TET3: variants seen among roughly 807,000 people sequenced by gnomAD.
The protein encoded by TET3 is tet methylcytosine dioxygenase 3, also known as methylcytosine dioxygenase TET3.
Under a neutral mutation model 141.4 loss-of-function variants are expected in TET3, and 19 were observed. That is an observed-to-expected ratio of 0.13 (90% CI 0.09 to 0.20). The LOEUF is 0.20. Ranked by LOEUF, TET3 falls within the 10% of genes least tolerant of loss-of-function variation. The probability of loss-of-function intolerance (pLI) is 1.00; values close to 1 mark genes in which losing one functional copy is unlikely to be tolerated. For missense variants in TET3, 1,874 were observed against 2,356.9 expected, an observed-to-expected ratio of 0.80 and a Z score of 4.24; for synonymous variants, 1,043 against 980.9, an observed-to-expected ratio of 1.06 and a Z score of -1.18.
chr2:74,004,110 G>C (rs1685020468), intron 3 of TET3, among the ~76,000 whole-genome samples: 1 of 152,144 alleles, frequency 6.6e-6, no homozygotes, highest in Admixed American at 6.5e-5. Flanking sequence ...CAAGAGCAGA[G>C]AGGCTGGAAG....
chr2:73,985,775 C>T (rs1276076089), intron 1 of TET3, among the ~76,000 whole-genome samples: 1 of 152,022 alleles, frequency 6.6e-6, no homozygotes, highest in Non-Finnish European at 1.5e-5. Context: ...GAATCCAGGG[C>T]CCCCAGCAGC....
intron 2 of TET3, among the ~76,000 whole-genome samples, chr2:74,002,375 C>T (rs952648649): frequency 9.2e-5 from 14 of 151,808 alleles, no homozygotes; most frequent in African/African-American, 2.2e-4. Context: ...CCCCCCACCC[C>T]CCCGGCGTCT....
chr2:74,114,484 A>C, the TET3 span, among the ~76,000 whole-genome samples: 154 of 152,290 alleles, frequency 1.0e-3, no homozygotes, highest in African/African-American at 3.6e-3. Context: ...ACTTAATGCC[A>C]TTGAATTGTA....
intron 2 of TET3, among the ~76,000 whole-genome samples, chr2:73,996,504 GA>G (rs770888647): frequency 2.0e-5 from 3 of 152,030 alleles, no homozygotes; most frequent in Non-Finnish European, 4.4e-5. Flanking sequence ...GATAACCTAA[GA>G]TTTTTTTTTA....
intron 3 of TET3, among the ~76,000 whole-genome samples, chr2:74,023,258 G>C (rs534642973): frequency 6.6e-5 from 10 of 151,892 alleles, no homozygotes; most frequent in Admixed American, 2.0e-4. Context: ...ATTTAATTTC[G>C]AGACAAGGTC....
chr2:74,103,825 G>A lies in TET3; in HGVS notation c.*1649G>A, dbSNP rs143386828. The A allele has an allele frequency of 6.5e-6, 1 of 153,916 alleles. No homozygotes were observed. Among genetic ancestry groups the A allele is most frequent in the East Asian group, 1.9e-4 (1 of 5,186 alleles). 9.5% of individuals were successfully genotyped at this position (153,916 alleles called of 1,614,324 possible). A position where few individuals can be genotyped will look rare whatever the true frequency, so the allele number is the denominator to read the frequency against. Reference sequence around the variant, plus strand: ...ATGGGGGGCTTCATCAGGACACACAGAGGGGAATGTGGCCACACGGTGGAT... The same window carrying A: ...ATGGGGGGCTTCATCAGGACACACAAAGGGGAATGTGGCCACACGGTGGAT... On this transcript the variant is annotated 3_prime_UTR_variant, in exon 12 of 12. Transcript: ENST00000409262.
At chr2:74,132,752 C>T in the TET3 span, among the ~76,000 whole-genome samples, 1 of 152,066 alleles carries the variant, frequency 6.6e-6, no homozygotes, top group South Asian at 2.1e-4. Context: ...ATGGCAGATG[C>T]CAATCTAGAG....
chr2:74,052,131 C>G (rs1248136272), intron 4 of TET3, among the ~76,000 whole-genome samples: 1 of 152,186 alleles, frequency 6.6e-6, no homozygotes, highest in Non-Finnish European at 1.5e-5. Context: ...AGGCACCCAC[C>G]ACCATGCCTG....
At chr2:74,124,138 G>A in the TET3 span, among the ~76,000 whole-genome samples, 352 of 148,618 alleles carry the variant, frequency 2.4e-3, 1 homozygote, top group Non-Finnish European at 4.0e-3. Context: ...GGCAGCCCCC[G>A]CCCCGCCAGC....
chr2:74,000,125 G>A (rs1294189692), intron 2 of TET3, among the ~76,000 whole-genome samples: 1 of 152,106 alleles, frequency 6.6e-6, no homozygotes, highest in Middle Eastern at 3.2e-3. Flanking sequence ...AGCAAGTCTG[G>A]GAGTAGATCA....
At chr2:74,024,095 T>A (rs1172697284) in intron 3 of TET3, among the ~76,000 whole-genome samples, 1 of 152,276 alleles carries the variant, frequency 6.6e-6, no homozygotes, top group Non-Finnish European at 1.5e-5. Flanking sequence ...TGATATTTAA[T>A]CTTTAGATAT....
At chr2:74,060,883 G>C (rs991656349) in intron 4 of TET3, among the ~76,000 whole-genome samples, 15 of 152,236 alleles carry the variant, frequency 9.9e-5, no homozygotes, top group African/African-American at 3.6e-4. Flanking sequence ...TCTTAGTACA[G>C]AACAAAGTGA....
At position 74,046,222 on chromosome 2, in the gene TET3, C is replaced by A; in HGVS notation, c.361-56C>A. On this transcript the variant is annotated intron_variant, in intron 3 of 11. Coordinates refer to ENST00000409262, the MANE Select transcript of TET3 (RefSeq NM_001287491.2). This position sits in a 1 kb window ranked among gnomAD's most constrained non-coding sequence, Gnocchi z 4.3. ...CTGAGTGGTATGAAGCAGGGAAATG[C>A]TTTTCAAATAGTGTGGTTCATTTTT... 2 of 1,447,594 alleles carry A rather than the reference C, an allele frequency of 1.4e-6. No homozygotes were observed. The highest frequency in any genetic ancestry group is 1.8e-6 in the Non-Finnish European group (2 of 1,095,466). 89.7% of individuals were successfully genotyped at this position (1,447,594 alleles called of 1,614,324 possible). A position where few individuals can be genotyped will look rare whatever the true frequency, so the allele number is the denominator to read the frequency against.
chr2:74,124,931 A>AG, the TET3 span, among the ~76,000 whole-genome samples: 2 of 151,008 alleles, frequency 1.3e-5, no homozygotes, highest in African/African-American at 4.9e-5. Context: ...TAAATACTAA[A>AG]AAAAAAAAAG....
rs543353665 is a variant in TET3 at position 74,099,655 on chromosome 2, G to A, written c.3604+43G>A. The stretch of plus-strand genomic sequence containing the variant: ...GCCCGCTTGGAGTCACAATGGCACT[G>A]TCCTCATGGGGGCCCCTGCTCTTCC... On this transcript the variant is annotated intron_variant, in intron 11 of 11. Coordinates refer to ENST00000409262, the MANE Select transcript of TET3 (RefSeq NM_001287491.2). 98 of 1,486,490 alleles carry A rather than the reference G, an allele frequency of 6.6e-5. 2 individuals are homozygous for A. In the Admixed American group the frequency reaches 1.7e-3, roughly 25 times the overall value. 92.1% of individuals were successfully genotyped at this position (1,486,490 alleles called of 1,614,324 possible).
upstream of TET3, among the ~76,000 whole-genome samples, chr2:73,983,922 G>A (rs1466820841): frequency 3.3e-5 from 5 of 152,270 alleles, no homozygotes; most frequent in Non-Finnish European, 5.9e-5. Context: ...GGCCAGATGG[G>A]TGGGGCTGAA....
intron 6 of TET3, among the ~76,000 whole-genome samples, chr2:74,086,097 T>C (rs567777625): frequency 6.6e-6 from 1 of 152,356 alleles, no homozygotes; most frequent in East Asian, 1.9e-4. Context: ...CTCACCATCC[T>C]GCGTGGAGTT....
chr2:74,042,535 A>G (rs564712261), intron 3 of TET3, among the ~76,000 whole-genome samples: 8 of 152,354 alleles, frequency 5.3e-5, no homozygotes, highest in Admixed American at 4.6e-4. Flanking sequence ...GGCAAGTAAA[A>G]CAAACTTGTG....
At chr2:74,124,809 T>C in the TET3 span, among the ~76,000 whole-genome samples, 4 of 152,008 alleles carry the variant, frequency 2.6e-5, no homozygotes, top group African/African-American at 4.8e-5. Flanking sequence ...GGGTCCTCTG[T>C]CTAGGAAAAC....
Sources: allele counts gnomAD v4.1 joint callset (sites outside exome capture counted in the v4.1 genomes callset), GRCh38; gene constraint gnomAD v4.1.1; non-coding constraint Gnocchi (gnomAD v3.1); transcripts MANE v1.5; gene names NCBI Gene and HGNC (gene_info 2026-07-23, HGNC 2026-07-21).